The following IPO11 variants were observed in gnomAD, a reference collection of about 807,000 sequenced individuals.
The protein encoded by IPO11 is importin-11.
IPO11 carries 66 observed loss-of-function variants against 143.2 expected under a neutral mutation model. The observed-to-expected ratio is 0.46, with a 90% CI of 0.38 to 0.57. The LOEUF (loss-of-function observed/expected upper bound fraction) is 0.57. Ranked by LOEUF, IPO11 falls within the 20% of genes least tolerant of loss-of-function variation. The pLI is 0.00. For missense variants in IPO11, 1,026 were observed against 1,141.0 expected (o/e 0.90, Z 1.45); for synonymous variants, 385 against 377.8 (o/e 1.02, Z -0.22).
intron 3 of IPO11, chr5:62,443,316 A>G: frequency 2.5e-6 from 1 of 397,302 alleles, no homozygotes; most frequent in Non-Finnish European, 4.4e-6. Flanking sequence ...CTACTGAATA[A>G]GTGTTCTATT....
intron 24 of IPO11, among the ~76,000 whole-genome samples, chr5:62,548,216 G>A (rs1275643050): frequency 1.3e-5 from 2 of 151,986 alleles, no homozygotes; most frequent in Non-Finnish European, 2.9e-5. Flanking sequence ...ACAATCTTTT[G>A]TATTCTCTGG....
At chr5:62,517,023 C>T (rs183436645) in intron 20 of IPO11, among the ~76,000 whole-genome samples, 152 of 151,974 alleles carry the variant, frequency 1.0e-3, no homozygotes, top group African/African-American at 3.5e-3. Flanking sequence ...ACGGTGAAAC[C>T]CTGTCTCTAC....
chr5:62,553,533 G>T (rs987218862), intron 26 of IPO11, among the ~76,000 whole-genome samples: 1 of 152,026 alleles, frequency 6.6e-6, no homozygotes, highest in Non-Finnish European at 1.5e-5. Context: ...TGGATCATAC[G>T]ATAGTTCAAT....
intron 1 of IPO11, among the ~76,000 whole-genome samples, chr5:62,415,686 T>C (rs988502514): frequency 6.6e-6 from 1 of 151,948 alleles, no homozygotes; most frequent in African/African-American, 2.4e-5. Flanking sequence ...CAGGCTGGTC[T>C]CGAACTCTCG....
At chr5:62,622,409 A>G (rs1580401129) in intron 29 of IPO11, among the ~76,000 whole-genome samples, 2 of 152,176 alleles carry the variant, frequency 1.3e-5, no homozygotes, top group African/African-American at 4.8e-5. Context: ...CTTTATTCTT[A>G]TTGTTAGTTT....
chr5:62,471,111 G>T (rs977372403), intron 7 of IPO11, among the ~76,000 whole-genome samples: 42 of 151,012 alleles, frequency 2.8e-4, no homozygotes, highest in African/African-American at 9.2e-4. Flanking sequence ...TACAGGCTTG[G>T]CCGTGCTTGG....
chr5:62,614,839 G>A (rs1361086112), intron 29 of IPO11, among the ~76,000 whole-genome samples: 2 of 152,164 alleles, frequency 1.3e-5, no homozygotes, highest in Non-Finnish European at 2.9e-5. Context: ...GTCACACACA[G>A]ACTTGAAGAT....
At chr5:62,415,110 C>T (rs1352175713) in intron 1 of IPO11, among the ~76,000 whole-genome samples, 1 of 152,158 alleles carries the variant, frequency 6.6e-6, no homozygotes. Flanking sequence ...CCTAACAATC[C>T]TGTGTGTCCC....
intron 1 of IPO11, among the ~76,000 whole-genome samples, chr5:62,414,461 T>C (rs1383039386): frequency 6.6e-6 from 1 of 152,156 alleles, no homozygotes; most frequent in Non-Finnish European, 1.5e-5. Context: ...TATTTTTTCC[T>C]TTCTTTATCA....
At chr5:62,589,454 GA>G (rs1475516926) in intron 27 of IPO11, among the ~76,000 whole-genome samples, 2 of 152,140 alleles carry the variant, frequency 1.3e-5, no homozygotes, top group Non-Finnish European at 2.9e-5. Flanking sequence ...CACCCAAGAT[GA>G]AACCCAACAG....
At chr5:62,592,349 G>A (rs1745054297) in intron 28 of IPO11, among the ~76,000 whole-genome samples, 1 of 151,830 alleles carries the variant, frequency 6.6e-6, no homozygotes, top group Non-Finnish European at 1.5e-5. Flanking sequence ...ATTGTCACTT[G>A]AATCATATTT....
intron 1 of IPO11, among the ~76,000 whole-genome samples, chr5:62,434,715 T>C (rs568285153): frequency 6.6e-6 from 1 of 152,258 alleles, no homozygotes; most frequent in Non-Finnish European, 1.5e-5. Flanking sequence ...GATAACATTT[T>C]GGATGTATTG....
chr5:62,594,478 C>G (rs1745142683), intron 28 of IPO11, among the ~76,000 whole-genome samples: 1 of 152,174 alleles, frequency 6.6e-6, no homozygotes, highest in African/African-American at 2.4e-5. Flanking sequence ...TGAATTCTTC[C>G]TCATCCAGTC....
At chr5:62,568,478 G>A (rs1168621073) in intron 27 of IPO11, among the ~76,000 whole-genome samples, 1 of 147,970 alleles carries the variant, frequency 6.8e-6, no homozygotes, top group Non-Finnish European at 1.5e-5. Flanking sequence ...GGAGGCTGAG[G>A]CTGGAGACTC....
At chr5:62,561,335 G>A (rs969394997) in intron 27 of IPO11, 78 bp downstream of exon 27, 2 of 588,766 alleles carry the variant, frequency 3.4e-6, no homozygotes, top group Non-Finnish European at 4.9e-6. Flanking sequence ...CAGTATTGCT[G>A]TGTGTTGCTG....
At chr5:62,526,909 TAAAG>T (rs1306964883) in intron 21 of IPO11, among the ~76,000 whole-genome samples, 2 of 152,218 alleles carry the variant, frequency 1.3e-5, no homozygotes, top group Non-Finnish European at 2.9e-5. Flanking sequence ...ATAGTGCAGT[TAAAG>T]AAAGCAAATC....
intron 26 of IPO11, among the ~76,000 whole-genome samples, chr5:62,553,648 A>AT (rs575122611): frequency 0.018 from 2,432 of 137,602 alleles, 54 homozygotes; most frequent in African/African-American, 0.057. Context: ...CCTTTCCAGC[A>AT]TTTTTTTTTT....
intron 5 of IPO11, among the ~76,000 whole-genome samples, chr5:62,460,337 T>TA (rs923526738): frequency 1.3e-4 from 20 of 151,604 alleles, no homozygotes; most frequent in East Asian, 1.2e-3. Context: ...ATTGACTTGT[T>TA]AAAAAAAAAC....
chr5:62,605,713 G>GTAT (rs139613779), intron 29 of IPO11, among the ~76,000 whole-genome samples: 12,059 of 146,710 alleles, frequency 0.082, 1,173 homozygotes, highest in African/African-American at 0.23. Flanking sequence ...AGCTAACAAA[G>GTAT]TATTATTATT....
Sources: allele counts gnomAD v4.1 joint callset (sites outside exome capture counted in the v4.1 genomes callset), GRCh38; gene constraint gnomAD v4.1.1; transcripts MANE v1.5; gene names NCBI Gene and HGNC (gene_info 2026-07-23, HGNC 2026-07-21).